Variants in RABGAP1L observed in about 807,000 individuals in gnomAD.
RABGAP1L encodes the protein rab GTPase-activating protein 1-like.
A neutral mutation model predicts 137.7 loss-of-function variants in RABGAP1L; 63 were observed. That is an observed-to-expected ratio of 0.46 (90% CI 0.37 to 0.56). RABGAP1L has a LOEUF of 0.56. RABGAP1L is among the 20% of genes least tolerant of loss of function. The pLI is 0.00. For missense variants in RABGAP1L, 1,095 were observed against 1,244.0 expected (o/e 0.88, Z 1.80); for synonymous variants, 431 against 433.7 (o/e 0.99, Z 0.08).
intron 13 of RABGAP1L, among the ~76,000 whole-genome samples, chr1:174,453,428 G>A (rs1039933730): frequency 6.6e-5 from 10 of 152,090 alleles, no homozygotes; most frequent in South Asian, 4.1e-4. Context: ...TTCTCCCCAC[G>A]CTAGAAGGTA....
chr1:174,709,413 C>G (rs1015221230), intron 17 of RABGAP1L, among the ~76,000 whole-genome samples: 2 of 152,174 alleles, frequency 1.3e-5, no homozygotes, highest in African/African-American at 4.8e-5. Context: ...ACAGATAACT[C>G]ATACAGAAGA....
chr1:174,472,026 C>T (rs963936210), intron 13 of RABGAP1L, among the ~76,000 whole-genome samples: 5 of 152,178 alleles, frequency 3.3e-5, no homozygotes, highest in African/African-American at 1.2e-4. Flanking sequence ...GTATAAGCCA[C>T]CATGCTAGAG....
chr1:174,870,990 C>T (rs1249975432), intron 19 of RABGAP1L, among the ~76,000 whole-genome samples: 1 of 152,056 alleles, frequency 6.6e-6, no homozygotes, highest in Admixed American at 6.6e-5. Flanking sequence ...CCACCCACCT[C>T]GGCCTCCCAA....
chr1:174,649,615 C>G (rs1572678664), intron 14 of RABGAP1L, among the ~76,000 whole-genome samples: 1 of 152,090 alleles, frequency 6.6e-6, no homozygotes, highest in Non-Finnish European at 1.5e-5. Context: ...CGACCTTTCA[C>G]TCATGATTTG....
At chr1:174,860,459 T>G (rs1249615463) in intron 19 of RABGAP1L, among the ~76,000 whole-genome samples, 1 of 152,058 alleles carries the variant, frequency 6.6e-6, no homozygotes, top group Non-Finnish European at 1.5e-5. Flanking sequence ...AAAAAAAAAT[T>G]AAAAATCAAG....
chr1:174,330,825 A>T (rs1425290123), intron 11 of RABGAP1L, among the ~76,000 whole-genome samples: 2 of 152,212 alleles, frequency 1.3e-5, no homozygotes, highest in Admixed American at 6.5e-5. Flanking sequence ...TCTTCACAGA[A>T]ATAGAAAAAA....
intron 13 of RABGAP1L, chr1:174,544,834 T>G (rs1665854917): frequency 5.6e-6 from 1 of 177,642 alleles, no homozygotes; most frequent in African/African-American, 2.4e-5. Context: ...GTCACGACCC[T>G]CTGTTGCAGG....
At chr1:174,576,323 T>C (rs1668372616) in intron 13 of RABGAP1L, among the ~76,000 whole-genome samples, 1 of 152,102 alleles carries the variant, frequency 6.6e-6, no homozygotes, top group South Asian at 2.1e-4. Context: ...GTTTATAGGC[T>C]CTCCACAAGG....
chr1:174,783,404 C>T (rs1345263070), intron 18 of RABGAP1L, among the ~76,000 whole-genome samples: 1 of 152,108 alleles, frequency 6.6e-6, no homozygotes, highest in South Asian at 2.1e-4. Context: ...TGGGAGCAGC[C>T]GTCACCATCT....
At chr1:174,640,637 G>A (rs369465804) in intron 14 of RABGAP1L, among the ~76,000 whole-genome samples, 3 of 151,938 alleles carry the variant, frequency 2.0e-5, no homozygotes, top group Admixed American at 1.3e-4. Flanking sequence ...TGGACACCCC[G>A]CGCAGAACTG....
intron 18 of RABGAP1L, among the ~76,000 whole-genome samples, chr1:174,773,141 G>A (rs988778834): frequency 7.5e-6 from 1 of 133,964 alleles, no homozygotes; most frequent in Admixed American, 7.9e-5. Flanking sequence ...CAGAGGCAGT[G>A]TTCTTAACTT....
At chr1:174,474,080 T>C (rs570287658) in intron 13 of RABGAP1L, among the ~76,000 whole-genome samples, 79 of 152,308 alleles carry the variant, frequency 5.2e-4, no homozygotes, top group Non-Finnish European at 8.2e-4. Context: ...CCTCAGTCTA[T>C]TTTTTAAAAT....
rs1260052424 is a variant in RABGAP1L, at chr1:174,991,762, C to G, written c.*1761C>G. 7.1e-6 allele frequency: 1 copy of G among 140,748 alleles called. No individual in the cohort carries two copies. Among genetic ancestry groups the G allele is most frequent in the Non-Finnish European group, 1.5e-5 (1 of 66,316 alleles). The allele number at this position is 140,748 out of a possible 1,614,324, so 8.7% of individuals were successfully genotyped here. A position where few individuals can be genotyped will look rare whatever the true frequency, so the allele number is the denominator to read the frequency against. ...GCTTTAACATTCTCTACATGGTGGTCTAGATAAGCTAATTTTTTTTTTTTT... is the reference window on the plus strand; with the variant it reads ...GCTTTAACATTCTCTACATGGTGGTGTAGATAAGCTAATTTTTTTTTTTTT... On this transcript the variant is annotated 3_prime_UTR_variant, in exon 26 of 26. Coordinates refer to ENST00000681986, the MANE Select transcript of RABGAP1L (RefSeq NM_001366446.1).
In RABGAP1L at chr1:174,969,392, T is replaced by A. The variant is rs941978939; in HGVS notation, c.2544+5T>A. ...CTACGGAATGACTTGGATCAGGTAA[T>A]CCTTAGAAATGAGACTGTGATGACT... is the stretch of plus-strand genomic sequence containing the variant. On this transcript the variant is annotated splice_donor_5th_base_variant and intron_variant, in intron 21 of 25. Coordinates refer to ENST00000681986, the MANE Select transcript of RABGAP1L (RefSeq NM_001366446.1). The A allele has an allele frequency of 2.6e-5, 40 of 1,542,330 alleles. No homozygotes were observed. In the African/African-American group the frequency reaches 4.0e-4, roughly 15 times the overall value.
chr1:174,785,684 G>A (rs1362105810), intron 18 of RABGAP1L, among the ~76,000 whole-genome samples: 1 of 152,214 alleles, frequency 6.6e-6, no homozygotes, highest in African/African-American at 2.4e-5. Flanking sequence ...TTCGAGCCCT[G>A]TAGGAGCTTT....
chr1:174,527,490 G>A (rs1052533591), intron 13 of RABGAP1L, among the ~76,000 whole-genome samples: 2 of 152,184 alleles, frequency 1.3e-5, no homozygotes, highest in African/African-American at 4.8e-5. Context: ...ACAGGCGTGA[G>A]CTACCATGCC....
At chr1:174,895,590 C>T (rs1657008699) in intron 19 of RABGAP1L, among the ~76,000 whole-genome samples, 2 of 151,986 alleles carry the variant, frequency 1.3e-5, no homozygotes, top group Non-Finnish European at 2.9e-5. Context: ...TATCCCTCCC[C>T]ACTCCCCCCA....
At chr1:174,437,728 G>A (rs1350486847) in intron 13 of RABGAP1L, among the ~76,000 whole-genome samples, 1 of 152,036 alleles carries the variant, frequency 6.6e-6, no homozygotes, top group Non-Finnish European at 1.5e-5. Flanking sequence ...AAACCACAAA[G>A]ATACTCCTCG....
intron 13 of RABGAP1L, among the ~76,000 whole-genome samples, chr1:174,430,499 T>C (rs1571766882): frequency 6.6e-6 from 1 of 152,226 alleles, no homozygotes; most frequent in East Asian, 1.9e-4. Flanking sequence ...TTTAATTTAA[T>C]TGAACGCTAA....
Sources: gnomAD v4.1 joint callset for allele counts (sites outside exome capture counted in the v4.1 genomes callset) on GRCh38, gnomAD v4.1.1 for gene constraint, MANE v1.5 for transcripts, NCBI Gene and HGNC (gene_info 2026-07-23, HGNC 2026-07-21) for gene names.